Variants in CNTNAP2 observed in about 807,000 individuals in gnomAD.
CNTNAP2 encodes contactin associated protein 2.
Under a neutral mutation model 155.2 loss-of-function variants are expected in CNTNAP2, and 98 were observed. The observed-to-expected ratio is 0.63, with a 90% CI of 0.54 to 0.75. The LOEUF (loss-of-function observed/expected upper bound fraction) is 0.75. Ranked by LOEUF, CNTNAP2 falls within the 30% of genes least tolerant of loss-of-function variation. The pLI is 0.00. For missense variants in CNTNAP2, 1,727 were observed against 1,688.1 expected (o/e 1.02, Z -0.40); for synonymous variants, 651 against 631.2 (o/e 1.03, Z -0.47).
At chr7:146,639,900 A>T (rs1799676410) in intron 1 of CNTNAP2, among the ~76,000 whole-genome samples, 1 of 152,258 alleles carries the variant, frequency 6.6e-6, no homozygotes, top group Non-Finnish European at 1.5e-5. Flanking sequence ...GTCTGACTGC[A>T]TGGCCTGTTC....
intron 21 of CNTNAP2, among the ~76,000 whole-genome samples, chr7:148,297,787 T>A (rs948867072): frequency 6.6e-6 from 1 of 152,174 alleles, no homozygotes; most frequent in Non-Finnish European, 1.5e-5. Flanking sequence ...AGTTTTCTTT[T>A]TTCAGTGCTG....
intron 1 of CNTNAP2, among the ~76,000 whole-genome samples, chr7:146,466,978 T>G (rs1796725708): frequency 6.6e-6 from 1 of 152,206 alleles, no homozygotes; most frequent in Non-Finnish European, 1.5e-5. Context: ...ACATTCAAAT[T>G]TATTTCAATG....
intron 3 of CNTNAP2, among the ~76,000 whole-genome samples, chr7:146,958,989 A>C (rs193165096): frequency 6.6e-6 from 1 of 151,838 alleles, no homozygotes; most frequent in Non-Finnish European, 1.5e-5. Context: ...TCTTTGAATT[A>C]GGATAATGAC....
chr7:147,047,101 G>GTTTC (rs1799377498), intron 4 of CNTNAP2, among the ~76,000 whole-genome samples: 2 of 128,560 alleles, frequency 1.6e-5, no homozygotes, highest in African/African-American at 5.8e-5. Flanking sequence ...GTTAAGTTAT[G>GTTTC]TTTCTTTTTT....
chr7:146,818,774 G>T (rs1030125052), intron 2 of CNTNAP2, among the ~76,000 whole-genome samples: 79 of 151,942 alleles, frequency 5.2e-4, no homozygotes, highest in African/African-American at 1.9e-3. Flanking sequence ...TAGCATTCTT[G>T]ATATTTAAAA....
At position 147,264,114 on chromosome 7, in the gene CNTNAP2, C is replaced by T. The variant is rs113664709; in HGVS notation, c.1349-36027C>T. Among the ~76,000 whole-genome samples, 39 of 152,224 alleles carry T rather than the reference C, an allele frequency of 2.6e-4. 1 individual carries two copies. The highest frequency in any genetic ancestry group is 9.1e-4 in the African/African-American group (38 of 41,544). On this transcript the variant is annotated intron_variant, in intron 8 of 23. Transcript: ENST00000361727. ...GACAAACAGATATGGGGTAAACTTA[C>T]TGTTTTGAAAAGGTCAGACAAAGGC...
intron 1 of CNTNAP2, among the ~76,000 whole-genome samples, chr7:146,135,002 G>A (rs1012924086): frequency 6.6e-6 from 1 of 151,864 alleles, no homozygotes; most frequent in Admixed American, 6.6e-5. Context: ...GTTCCTCCTT[G>A]TACCTCTGGT....
intron 10 of CNTNAP2, among the ~76,000 whole-genome samples, chr7:147,469,821 G>A (rs563687985): frequency 1.3e-5 from 2 of 152,030 alleles, no homozygotes; most frequent in East Asian, 1.9e-4. Flanking sequence ...CCCGGCCCAG[G>A]CTGCAATTTT....
intron 8 of CNTNAP2, among the ~76,000 whole-genome samples, chr7:147,152,530 C>T (rs185948864): frequency 2.6e-5 from 4 of 152,114 alleles, no homozygotes; most frequent in Non-Finnish European, 5.9e-5. Context: ...AAGTATTAGA[C>T]TTCTTGTTGT....
At position 146,916,320 on chromosome 7, in the gene CNTNAP2, A is replaced by C. The variant is rs575536523; in HGVS notation, c.402+76416A>C. ...CTTTCTTGGTTTTGGTATTAGAGTG[A>C]TACTGGATTCAAAGAATGATTTAGA... On this transcript the variant is annotated intron_variant, in intron 3 of 23. Transcript: ENST00000361727. 2.0e-5 allele frequency among the ~76,000 whole-genome samples: 3 copies of C among 152,240 alleles called. No homozygotes were observed. In the South Asian group the frequency reaches 6.2e-4, roughly 32 times the overall value.
chr7:148,183,646 T>C (rs1287053486), intron 18 of CNTNAP2, among the ~76,000 whole-genome samples: 2 of 151,864 alleles, frequency 1.3e-5, no homozygotes, highest in Non-Finnish European at 2.9e-5. Context: ...CATACCCTGC[T>C]AAGTTTTTAA....
At chr7:146,931,179 G>C (rs376792683) in intron 3 of CNTNAP2, among the ~76,000 whole-genome samples, 6,822 of 151,492 alleles carry the variant, frequency 0.045, 158 homozygotes, top group South Asian at 0.072. Flanking sequence ...TGACCACATA[G>C]TTGGAAGTAA....
At chr7:146,598,670 A>G (rs1322565406) in intron 1 of CNTNAP2, among the ~76,000 whole-genome samples, 3 of 152,036 alleles carry the variant, frequency 2.0e-5, no homozygotes, top group East Asian at 1.9e-4. Flanking sequence ...TTACTGTCTC[A>G]TTGGCTGGAA....
At chr7:146,359,354 A>G (rs570367193) in intron 1 of CNTNAP2, among the ~76,000 whole-genome samples, 1 of 152,378 alleles carries the variant, frequency 6.6e-6, no homozygotes, top group African/African-American at 2.4e-5. Flanking sequence ...CTAAGGCTTC[A>G]GTCATCTCAT....
chr7:146,919,893 A>T (rs79711028), intron 3 of CNTNAP2, among the ~76,000 whole-genome samples: 1 of 152,146 alleles, frequency 6.6e-6, no homozygotes, highest in East Asian at 1.9e-4. Flanking sequence ...CAAGTTTACA[A>T]TGTGGGTCTC....
At chr7:146,556,272 A>G (rs1798197108) in intron 1 of CNTNAP2, among the ~76,000 whole-genome samples, 1 of 152,164 alleles carries the variant, frequency 6.6e-6, no homozygotes, top group Admixed American at 6.6e-5. Flanking sequence ...GCAAAACACC[A>G]CAGGAAGTAT....
intron 1 of CNTNAP2, among the ~76,000 whole-genome samples, chr7:146,261,271 T>C (rs192998293): frequency 3.3e-5 from 5 of 151,996 alleles, no homozygotes; most frequent in Non-Finnish European, 2.9e-5. Flanking sequence ...ACTTAGTTAC[T>C]GAGATTAATA....
intron 1 of CNTNAP2, among the ~76,000 whole-genome samples, chr7:146,725,110 A>T (rs1801408662): frequency 6.6e-6 from 1 of 150,622 alleles, no homozygotes; most frequent in Non-Finnish European, 1.5e-5. Flanking sequence ...CAGGCTTATC[A>T]CTCCAGTCTC....
At chr7:147,373,284 A>C (rs1488693282) in intron 9 of CNTNAP2, among the ~76,000 whole-genome samples, 1 of 152,048 alleles carries the variant, frequency 6.6e-6, no homozygotes, top group Non-Finnish European at 1.5e-5. Flanking sequence ...CAAAATGGCC[A>C]GTTTCAAGGT....
Sources: gnomAD v4.1 joint callset for allele counts (sites outside exome capture counted in the v4.1 genomes callset) on GRCh38, gnomAD v4.1.1 for gene constraint, MANE v1.5 for transcripts, NCBI Gene and HGNC (gene_info 2026-07-23, HGNC 2026-07-21) for gene names.